The following CHST11 variants were observed in gnomAD, a reference collection of about 807,000 sequenced individuals.
CHST11 encodes carbohydrate sulfotransferase 11.
A neutral mutation model predicts 30.4 loss-of-function variants in CHST11; 9 were observed. That is an observed-to-expected ratio of 0.30 (90% confidence interval 0.18 to 0.52). The LOEUF (loss-of-function observed/expected upper bound fraction) is 0.52, where lower values mean the gene tolerates loss of function less well. Ranked by LOEUF, CHST11 falls within the 20% of genes least tolerant of loss-of-function variation. The pLI is 0.97. For missense variants in CHST11, 348 were observed against 460.6 expected (o/e 0.76, Z 2.24); for synonymous variants, 152 against 187.8 (o/e 0.81, Z 1.56).
At chr12:104,642,073 G>A (rs888950006) in intron 2 of CHST11, among the ~76,000 whole-genome samples, 4 of 152,200 alleles carry the variant, frequency 2.6e-5, no homozygotes, top group Non-Finnish European at 4.4e-5. Flanking sequence ...AGAGTCATCT[G>A]ATCCTGTACG....
At chr12:104,475,688 A>ATATATATATATATATATATATATTATT (rs1555226434) in intron 1 of CHST11, among the ~76,000 whole-genome samples, 1 of 78,468 alleles carries the variant, frequency 1.3e-5, no homozygotes, top group Non-Finnish European at 2.9e-5. Context: ...ATATATATAT[A>ATATATATATATATATATATATATTATT]TATTTCTGAT....
At chr12:104,743,787 C>T (rs1164474749) in intron 2 of CHST11, among the ~76,000 whole-genome samples, 1 of 152,028 alleles carries the variant, frequency 6.6e-6, no homozygotes, top group African/African-American at 2.4e-5. Flanking sequence ...TCCAAAAGGC[C>T]CCACTGAGTG....
chr12:104,501,977 C>T (rs1401516199), intron 1 of CHST11, among the ~76,000 whole-genome samples: 1 of 152,160 alleles, frequency 6.6e-6, no homozygotes, highest in Non-Finnish European at 1.5e-5. Context: ...TGAGTGGACT[C>T]CTAGGACACC....
intron 1 of CHST11, among the ~76,000 whole-genome samples, chr12:104,504,476 CTGG>C (rs2037883613): frequency 1.3e-5 from 2 of 152,204 alleles, no homozygotes; most frequent in Admixed American, 6.5e-5. Flanking sequence ...GATGGCTGCC[CTGG>C]GAGTCTGAGG....
intron 2 of CHST11, among the ~76,000 whole-genome samples, chr12:104,723,112 G>A (rs993787686): frequency 1.3e-5 from 2 of 152,076 alleles, no homozygotes; most frequent in Non-Finnish European, 2.9e-5. Context: ...GATCTGTGGT[G>A]TGAGCGTAGT....
intron 2 of CHST11, among the ~76,000 whole-genome samples, chr12:104,675,636 C>T (rs1373873786): frequency 6.6e-6 from 1 of 152,212 alleles, no homozygotes; most frequent in Non-Finnish European, 1.5e-5. Context: ...GGTTGAAGAA[C>T]CACTCACTCT....
chr12:104,571,266 C>T (rs1440059606), intron 1 of CHST11, among the ~76,000 whole-genome samples: 2 of 151,372 alleles, frequency 1.3e-5, no homozygotes, highest in Non-Finnish European at 2.9e-5. Flanking sequence ...TGGGTTCAAG[C>T]GATTCTCCCA....
intron 2 of CHST11, among the ~76,000 whole-genome samples, chr12:104,663,727 G>C (rs1360551523): frequency 6.6e-6 from 1 of 152,122 alleles, no homozygotes; most frequent in African/African-American, 2.4e-5. Flanking sequence ...ATTTCTGTTT[G>C]GGTCGCTTTA....
chr12:104,540,601 T>G (rs1478243259), intron 1 of CHST11, among the ~76,000 whole-genome samples: 2 of 152,202 alleles, frequency 1.3e-5, no homozygotes, highest in African/African-American at 4.8e-5. Context: ...TCCTCCACCC[T>G]CACCTGGGTG....
chr12:104,476,428 A>G (rs1385992481), intron 1 of CHST11, among the ~76,000 whole-genome samples: 1 of 152,034 alleles, frequency 6.6e-6, no homozygotes, highest in East Asian at 1.9e-4. Flanking sequence ...TTTTCCATGT[A>G]GCACCGAATC....
intron 2 of CHST11, among the ~76,000 whole-genome samples, chr12:104,707,752 G>GCA (rs1259556432): frequency 6.6e-6 from 1 of 151,962 alleles, no homozygotes; most frequent in Admixed American, 6.6e-5. Context: ...ACATACAAAT[G>GCA]CACACACACA....
At chr12:104,714,192 G>A (rs949667902) in intron 2 of CHST11, among the ~76,000 whole-genome samples, 1 of 152,198 alleles carries the variant, frequency 6.6e-6, no homozygotes, top group African/African-American at 2.4e-5. Context: ...ACTAAGGGGA[G>A]CCCCATCCCT....
At chr12:104,625,981 A>G (rs985624155) in intron 2 of CHST11, among the ~76,000 whole-genome samples, 1 of 152,222 alleles carries the variant, frequency 6.6e-6, no homozygotes, top group Non-Finnish European at 1.5e-5. Flanking sequence ...CCTGGAGGTG[A>G]TCCAGTCCTT....
chr12:104,603,234 C>T (rs1467510030), intron 2 of CHST11, among the ~76,000 whole-genome samples: 1 of 152,198 alleles, frequency 6.6e-6, no homozygotes, highest in African/African-American at 2.4e-5. Flanking sequence ...TGTGCTTCAA[C>T]AAAGGATAGG....
chr12:104,752,684 C>T (rs956789126), intron 2 of CHST11, among the ~76,000 whole-genome samples: 3 of 152,168 alleles, frequency 2.0e-5, no homozygotes, highest in Non-Finnish European at 4.4e-5. Flanking sequence ...CCCGCCACCA[C>T]GCCCAGCTAA....
At chr12:104,513,035 T>C (rs2037981435) in intron 1 of CHST11, among the ~76,000 whole-genome samples, 1 of 150,820 alleles carries the variant, frequency 6.6e-6, no homozygotes, top group Admixed American at 6.6e-5. Context: ...GTATGGCCAT[T>C]TCCCTCCTGA....
intron 2 of CHST11, among the ~76,000 whole-genome samples, chr12:104,679,291 C>A (rs548114990): frequency 6.6e-6 from 1 of 152,270 alleles, no homozygotes; most frequent in Non-Finnish European, 1.5e-5. Context: ...CCCCAAATGC[C>A]TTCTCCACAG....
chr12:104,523,861 G>A (rs2038097663), intron 1 of CHST11, among the ~76,000 whole-genome samples: 1 of 152,046 alleles, frequency 6.6e-6, no homozygotes, highest in Admixed American at 6.6e-5. Context: ...CAGTGCCTAG[G>A]CACTTTGAGG....
At chr12:104,477,133 T>C (rs2037570737) in intron 1 of CHST11, among the ~76,000 whole-genome samples, 1 of 152,184 alleles carries the variant, frequency 6.6e-6, no homozygotes, top group African/African-American at 2.4e-5. Flanking sequence ...AAGAGTCCTA[T>C]AATAGATCAT....
Sources: gnomAD v4.1 joint callset for allele counts (sites outside exome capture counted in the v4.1 genomes callset) on GRCh38, gnomAD v4.1.1 for gene constraint, MANE v1.5 for transcripts, NCBI Gene and HGNC (gene_info 2026-07-23, HGNC 2026-07-21) for gene names.